RAPGEF6: variants seen among roughly 807,000 people sequenced by gnomAD.
RAPGEF6 encodes PDZ domain containing guanine nucleotide exchange factor (GEF) 2.
In RAPGEF6, 56 loss-of-function variants were observed where a neutral mutation model predicts 171.4. That is an observed-to-expected ratio of 0.33 (90% CI 0.26 to 0.41). The LOEUF is 0.41. Among genes scored for constraint, RAPGEF6 ranks in the 10% least tolerant of loss-of-function variants. The probability of loss-of-function intolerance (pLI) is 1.00; values close to 1 mark genes in which losing one functional copy is unlikely to be tolerated. For missense variants in RAPGEF6, 1,674 were observed against 1,921.4 expected (o/e 0.87, Z 2.41); for synonymous variants, 692 against 650.1 (o/e 1.06, Z -0.98).
At chr5:131,477,649 T>C (rs139095346) in intron 16 of RAPGEF6, among the ~76,000 whole-genome samples, 92 of 152,316 alleles carry the variant, frequency 6.0e-4, no homozygotes, top group African/African-American at 2.1e-3. Flanking sequence ...CTGATTTAGC[T>C]GCCTAAAACT....
intron 16 of RAPGEF6, among the ~76,000 whole-genome samples, chr5:131,475,251 G>A (rs1755020130): frequency 6.6e-6 from 1 of 152,192 alleles, no homozygotes; most frequent in African/African-American, 2.4e-5. Flanking sequence ...TGAAAGCTGA[G>A]TTGATAAAGC....
chr5:131,592,604 T>C (rs1763658847), intron 3 of RAPGEF6, 138 bp from the exon 4 acceptor site: 6 of 1,415,538 alleles, frequency 4.2e-6, no homozygotes, highest in Non-Finnish European at 4.7e-6. Context: ...TTGGAATATT[T>C]TGCCTGTTGC....
chr5:131,600,287 C>T (rs187374339), intron 3 of RAPGEF6, among the ~76,000 whole-genome samples: 8 of 152,112 alleles, frequency 5.3e-5, no homozygotes, highest in East Asian at 3.9e-4. Flanking sequence ...TTTGGGAGGC[C>T]GAGGCAGGCA....
chr5:131,493,293 T>TGACCTCGTGATCCGCCTGTCTC (rs1756417805), intron 13 of RAPGEF6, among the ~76,000 whole-genome samples: 2 of 152,254 alleles, frequency 1.3e-5, no homozygotes, highest in Admixed American at 6.5e-5. Context: ...CTTGATCTCT[T>TGACCTCGTGATCCGCCTGTCTC]GACCTCGTGA....
chr5:131,515,799 C>T (rs140442957), intron 7 of RAPGEF6, among the ~76,000 whole-genome samples: 131 of 151,950 alleles, frequency 8.6e-4, no homozygotes, highest in African/African-American at 2.5e-3. Context: ...CAGGGAATAA[C>T]GTACATATGT....
At chr5:131,476,853 C>T (rs1450369869) in intron 16 of RAPGEF6, among the ~76,000 whole-genome samples, 3 of 152,128 alleles carry the variant, frequency 2.0e-5, no homozygotes, top group Non-Finnish European at 4.4e-5. Flanking sequence ...ACTTTTAAAG[C>T]TTTTAATAGA....
intron 11 of RAPGEF6, among the ~76,000 whole-genome samples, chr5:131,503,616 T>A (rs1757164457): frequency 6.6e-6 from 1 of 152,232 alleles, no homozygotes; most frequent in South Asian, 2.1e-4. Flanking sequence ...CTGCTTCATC[T>A]GCAATTAATA....
At chr5:131,481,936 A>AT (rs919083837) in intron 15 of RAPGEF6, among the ~76,000 whole-genome samples, 2 of 152,310 alleles carry the variant, frequency 1.3e-5, no homozygotes, top group Non-Finnish European at 2.9e-5. Context: ...ATCACAGAGA[A>AT]TTTTTTTGGA....
At chr5:131,545,883 AGGATCACCATGTAACAC>A (rs566442939) in intron 6 of RAPGEF6, among the ~76,000 whole-genome samples, 2,163 of 152,344 alleles carry the variant, frequency 0.014, 40 homozygotes, top group African/African-American at 0.046. Flanking sequence ...AGTACTTAGT[AGGATCACCATGTAACAC>A]TAGGTATACA....
chr5:131,542,996 T>C (rs73786698), intron 6 of RAPGEF6, among the ~76,000 whole-genome samples: 5 of 152,346 alleles, frequency 3.3e-5, no homozygotes, highest in African/African-American at 1.2e-4. Context: ...TATGGCTAGC[T>C]AGCTGCTATC....
intron 7 of RAPGEF6, among the ~76,000 whole-genome samples, chr5:131,514,618 T>TA (rs1387081067): frequency 6.6e-6 from 1 of 151,486 alleles, no homozygotes; most frequent in Non-Finnish European, 1.5e-5. Context: ...GAAAAACAAT[T>TA]AGAGGAAAAA....
chr5:131,433,153 A>T (rs181303130), intron 25 of RAPGEF6, among the ~76,000 whole-genome samples: 1 of 152,196 alleles, frequency 6.6e-6, no homozygotes, highest in African/African-American at 2.4e-5. Context: ...TCTCCCCTAT[A>T]TAAGTAGCAG....
chr5:131,495,812 G>T (rs566614564), intron 12 of RAPGEF6, 152 bp from the exon 13 acceptor site: 209 of 1,220,716 alleles, frequency 1.7e-4, no homozygotes, highest in South Asian at 2.3e-4. Flanking sequence ...AGAAAGGCAT[G>T]GTTTAATTTG....
chr5:131,540,142 A>C (rs1281208240), intron 6 of RAPGEF6, among the ~76,000 whole-genome samples: 1 of 152,242 alleles, frequency 6.6e-6, no homozygotes, highest in African/African-American at 2.4e-5. Context: ...TGAGAATATA[A>C]AAAGCATCCT....
rs145517693 is a variant in RAPGEF6 at position 131,580,384 on chromosome 5, G to A, written c.281+11999C>T. Among the ~76,000 whole-genome samples, 52 of 152,178 alleles carry A rather than the reference G, an allele frequency of 3.4e-4. No homozygotes were observed. In the East Asian group the frequency reaches 9.5e-3, roughly 28 times the overall value. ...AACTTGTGCTGGCCGCACGAGCGCT[G>A]AGCGCAGCCCCTGTTCCTGCCCACC... On this transcript the variant is annotated intron_variant, in intron 4 of 27. Transcript: ENST00000509018.
intron 21 of RAPGEF6, among the ~76,000 whole-genome samples, chr5:131,451,281 T>C (rs537056387): frequency 6.6e-6 from 1 of 152,158 alleles, no homozygotes; most frequent in African/African-American, 2.4e-5. Context: ...GATCAACTAC[T>C]TGCAAAAACA....
At chr5:131,435,413 C>T (rs1171605702) in intron 24 of RAPGEF6, among the ~76,000 whole-genome samples, 2 of 152,172 alleles carry the variant, frequency 1.3e-5, no homozygotes, top group African/African-American at 4.8e-5. Context: ...AAGAAAAAGT[C>T]ATTGCTCTAC....
chr5:131,454,512 A>G (rs1347151030), intron 20 of RAPGEF6, among the ~76,000 whole-genome samples: 1 of 152,196 alleles, frequency 6.6e-6, no homozygotes, highest in Non-Finnish European at 1.5e-5. Flanking sequence ...ACGATGTTGA[A>G]TATGTTCAAA....
At chr5:131,469,947 C>T in intron 17 of RAPGEF6, 1 of 598,858 alleles carries the variant, frequency 1.7e-6, no homozygotes, top group Admixed American at 3.3e-5. Flanking sequence ...TAGGTAAGCT[C>T]AAGACCAATA....
Sources: gnomAD v4.1 joint callset for allele counts (sites outside exome capture counted in the v4.1 genomes callset) on GRCh38, gnomAD v4.1.1 for gene constraint, MANE v1.5 for transcripts, NCBI Gene and HGNC (gene_info 2026-07-23, HGNC 2026-07-21) for gene names.